Variants in CTNNA2 observed in about 807,000 individuals in gnomAD.
CTNNA2 encodes catenin alpha-2.
A neutral mutation model predicts 101.0 loss-of-function variants in CTNNA2; 42 were observed. The observed-to-expected ratio is 0.42, with a 90% CI of 0.32 to 0.54. The LOEUF is 0.54. Among genes scored for constraint, CTNNA2 ranks in the 20% least tolerant of loss-of-function variants. The pLI is 0.14. For synonymous variants in CTNNA2, 450 were observed against 456.4 expected, an observed-to-expected ratio of 0.99 and a Z score of 0.18; for missense variants, 871 against 1,223.1, an observed-to-expected ratio of 0.71 and a Z score of 4.29.
chr2:80,203,392 G>A (rs915731091), intron 7 of CTNNA2, among the ~76,000 whole-genome samples: 4 of 152,190 alleles, frequency 2.6e-5, no homozygotes, highest in Non-Finnish European at 4.4e-5. Context: ...TAGATACCAA[G>A]AGGGTACAGA....
intron 7 of CTNNA2, among the ~76,000 whole-genome samples, chr2:80,141,500 C>A (rs1703008144): frequency 6.6e-6 from 1 of 151,992 alleles, no homozygotes; most frequent in Admixed American, 6.6e-5. Context: ...AGATAAATAT[C>A]CACCCCCTCC....
intron 7 of CTNNA2, among the ~76,000 whole-genome samples, chr2:79,914,466 A>G (rs914377547): frequency 6.6e-6 from 1 of 152,204 alleles, no homozygotes; most frequent in Non-Finnish European, 1.5e-5. Context: ...TTTATGCACA[A>G]TTCATGGTTA....
intron 2 of CTNNA2, among the ~76,000 whole-genome samples, chr2:79,309,509 T>C (rs1573062381): frequency 6.6e-6 from 1 of 152,150 alleles, no homozygotes; most frequent in South Asian, 2.1e-4. Context: ...AAAAAGCAGA[T>C]TGATTATTTC....
intron 12 of CTNNA2, among the ~76,000 whole-genome samples, chr2:80,566,405 G>A (rs755960000): frequency 6.6e-6 from 1 of 152,150 alleles, no homozygotes; most frequent in Non-Finnish European, 1.5e-5. Flanking sequence ...GAATCACTGG[G>A]GGCCCTCTCA....
At chr2:79,390,248 ATAAACAAACAAC>A (rs1678157747) in intron 4 of CTNNA2, among the ~76,000 whole-genome samples, 1 of 152,232 alleles carries the variant, frequency 6.6e-6, no homozygotes, top group African/African-American at 2.4e-5. Flanking sequence ...TTAAATAGCA[ATAAACAAACAAC>A]TAAACAGAAC....
At chr2:79,372,060 G>A (rs932764131) in intron 3 of CTNNA2, among the ~76,000 whole-genome samples, 2 of 152,108 alleles carry the variant, frequency 1.3e-5, no homozygotes, top group Admixed American at 6.6e-5. Context: ...TGAAAACCAT[G>A]GATACCTGGG....
At chr2:80,038,566 C>CA (rs1203598014) in intron 7 of CTNNA2, among the ~76,000 whole-genome samples, 1 of 152,018 alleles carries the variant, frequency 6.6e-6, no homozygotes, top group African/African-American at 2.4e-5. Flanking sequence ...ACTGAAAATA[C>CA]AAAAATTAGC....
intron 4 of CTNNA2, among the ~76,000 whole-genome samples, chr2:79,481,165 T>A (rs1453019485): frequency 6.6e-6 from 1 of 152,184 alleles, no homozygotes; most frequent in East Asian, 1.9e-4. Context: ...CCAGCCCTGA[T>A]TAAAATGTAA....
intron 4 of CTNNA2, among the ~76,000 whole-genome samples, chr2:79,408,835 A>C (rs1419230535): frequency 6.6e-6 from 1 of 151,646 alleles, no homozygotes; most frequent in African/African-American, 2.4e-5. Flanking sequence ...TGGCTGGGTC[A>C]AATGGTATTT....
chr2:79,933,395 A>G (rs1472035279), intron 7 of CTNNA2, among the ~76,000 whole-genome samples: 1 of 152,022 alleles, frequency 6.6e-6, no homozygotes, highest in African/African-American at 2.4e-5. Flanking sequence ...GAGTTAAGCT[A>G]CTAGACCTAG....
chr2:80,278,891 C>T (rs1674132360), intron 7 of CTNNA2, among the ~76,000 whole-genome samples: 1 of 151,828 alleles, frequency 6.6e-6, no homozygotes, highest in Non-Finnish European at 1.5e-5. Flanking sequence ...TCACTTGAAC[C>T]CAGGGGGTTA....
chr2:80,193,128 T>A (rs565620095), intron 7 of CTNNA2, among the ~76,000 whole-genome samples: 2 of 152,368 alleles, frequency 1.3e-5, no homozygotes, highest in African/African-American at 2.4e-5. Context: ...TAAAAACCCT[T>A]GACCTTTATC....
At chr2:79,369,358 C>T (rs1350364010) in intron 3 of CTNNA2, among the ~76,000 whole-genome samples, 2 of 152,146 alleles carry the variant, frequency 1.3e-5, no homozygotes, top group East Asian at 1.9e-4. Context: ...CCGCAGCCCC[C>T]GAGCACTGCC....
chr2:79,640,508 T>C (rs1455655762), intron 1 of CTNNA2, among the ~76,000 whole-genome samples: 1 of 152,162 alleles, frequency 6.6e-6, no homozygotes, highest in Non-Finnish European at 1.5e-5. Context: ...TTTTCTGAAA[T>C]ACATAAATAA....
intron 4 of CTNNA2, among the ~76,000 whole-genome samples, chr2:79,402,697 T>A (rs1041520221): frequency 2.6e-5 from 4 of 151,892 alleles, no homozygotes; most frequent in African/African-American, 7.2e-5. Flanking sequence ...TTCTTCTCAA[T>A]GCATTTGGAA....
chr2:79,807,512 G>A (rs1207977864), intron 3 of CTNNA2, among the ~76,000 whole-genome samples: 2 of 152,080 alleles, frequency 1.3e-5, no homozygotes, highest in African/African-American at 2.4e-5. Context: ...GTGAAAACAT[G>A]CTCTTTTAAA....
chr2:79,584,520 C>CTTTTTTTTTTTTTTTTTTTTTTTT (rs558450184), intron 1 of CTNNA2, among the ~76,000 whole-genome samples: 1 of 134,134 alleles, frequency 7.5e-6, no homozygotes. Flanking sequence ...GGTAGATTTT[C>CTTTTTTTTTTTTTTTTTTTTTTTT]TTTTTTTTTT....
chr2:80,034,395 C>A (rs1336361569), intron 7 of CTNNA2, among the ~76,000 whole-genome samples: 1 of 145,068 alleles, frequency 6.9e-6, no homozygotes, highest in Non-Finnish European at 1.5e-5. Flanking sequence ...GCTCTGTCAC[C>A]CAAGCTGGAC....
At chr2:80,385,643 T>G (rs1374450855) in intron 7 of CTNNA2, among the ~76,000 whole-genome samples, 2 of 152,168 alleles carry the variant, frequency 1.3e-5, no homozygotes, top group Non-Finnish European at 2.9e-5. Context: ...CTTCTTCCCT[T>G]AAATTTCTTT....
Sources: gnomAD v4.1 joint callset for allele counts (sites outside exome capture counted in the v4.1 genomes callset) on GRCh38, gnomAD v4.1.1 for gene constraint, MANE v1.5 for transcripts, NCBI Gene and HGNC (gene_info 2026-07-23, HGNC 2026-07-21) for gene names.